The following MTIF2 variants were observed in gnomAD, a reference collection of about 807,000 sequenced individuals.
The protein encoded by MTIF2 is translation initiation factor IF-2, mitochondrial.
A neutral mutation model predicts 83.5 loss-of-function variants in MTIF2; 71 were observed. That is an observed-to-expected ratio of 0.85 (90% CI 0.70 to 1.04). The LOEUF (loss-of-function observed/expected upper bound fraction) is 1.04, where lower values mean the gene tolerates loss of function less well. MTIF2 is among the 50% of genes least tolerant of loss of function. MTIF2 has a pLI of 0.00. For missense variants in MTIF2, 957 were observed against 846.5 expected (o/e 1.13, Z -1.62); for synonymous variants, 319 against 287.1 (o/e 1.11, Z -1.12).
At chr2:55,264,659 G>C (rs995008855) in intron 3 of MTIF2, among the ~76,000 whole-genome samples, 3 of 152,080 alleles carry the variant, frequency 2.0e-5, no homozygotes, top group Non-Finnish European at 2.9e-5. Flanking sequence ...ACTTCCTCTA[G>C]TTGGAATCGT....
At chr2:55,244,766 G>T (rs553318133) in intron 10 of MTIF2, among the ~76,000 whole-genome samples, 1 of 152,010 alleles carries the variant, frequency 6.6e-6, no homozygotes, top group Non-Finnish European at 1.5e-5. Flanking sequence ...AAAAAAATAG[G>T]CTAGGCACAG....
At chr2:55,243,367 A>C (rs202166457) in intron 12 of MTIF2, 49 bp downstream of exon 12, 300 of 1,492,362 alleles carry the variant, frequency 2.0e-4, no homozygotes, top group Non-Finnish European at 2.6e-4. Context: ...AGAATAAAAA[A>C]ACATATATTC....
chr2:55,237,472 C>G, intron 14 of MTIF2, 44 bp from the exon 15 acceptor site: 1 of 1,523,456 alleles, frequency 6.6e-7, no homozygotes, highest in Non-Finnish European at 8.8e-7. Context: ...ACTAAAGATT[C>G]TGATAAATAC....
At chr2:55,255,515 A>G (rs753606418) in intron 5 of MTIF2, among the ~76,000 whole-genome samples, 33 of 146,634 alleles carry the variant, frequency 2.3e-4, no homozygotes, top group Non-Finnish European at 4.0e-4. Context: ...TATATATTTG[A>G]TTCATTAACA....
intron 9 of MTIF2, among the ~76,000 whole-genome samples, chr2:55,246,943 A>T (rs1367198883): frequency 2.6e-5 from 4 of 152,192 alleles, no homozygotes; most frequent in African/African-American, 9.6e-5. Context: ...ATCAAGCATG[A>T]CTTACCCTTA....
chr2:55,256,050 T>C (rs1005187421), intron 5 of MTIF2, among the ~76,000 whole-genome samples: 6 of 152,212 alleles, frequency 3.9e-5, no homozygotes, highest in African/African-American at 1.4e-4. Flanking sequence ...CTAATTTTTC[T>C]ATTTTTTGTA....
intron 6 of MTIF2, 63 bp from the exon 7 acceptor site, chr2:55,254,264 T>C (rs1010364032): frequency 5.8e-6 from 9 of 1,538,658 alleles, no homozygotes; most frequent in East Asian, 2.3e-5. Flanking sequence ...AGCCTGTGAA[T>C]TGGTTCACAT....
At chr2:55,263,083 G>C (rs572444273) in intron 4 of MTIF2, among the ~76,000 whole-genome samples, 1 of 152,084 alleles carries the variant, frequency 6.6e-6, no homozygotes, top group African/African-American at 2.4e-5. Flanking sequence ...GGACGGTCTC[G>C]AACTCTTGAC....
At chr2:55,248,087 A>C (rs1676833821) in intron 9 of MTIF2, among the ~76,000 whole-genome samples, 1 of 152,128 alleles carries the variant, frequency 6.6e-6, no homozygotes, top group Admixed American at 6.6e-5. Context: ...ACAAGGTCTC[A>C]TCATGTTGCC....
chr2:55,265,647 T>C (rs1678375666), intron 3 of MTIF2, among the ~76,000 whole-genome samples: 1 of 152,156 alleles, frequency 6.6e-6, no homozygotes, highest in Non-Finnish European at 1.5e-5. Context: ...GTTAACATTT[T>C]AATATATATA....
chr2:55,254,769 C>A lies in MTIF2; in HGVS notation c.388G>T (p.Asp130Tyr). ...TDIDIDSLEA[D>Y]SHLDEVWIKE... ...ATCCAGACTTCATCTAAATGTGAGTCTGCTTCCAGTGAATCTATGTCAATA... is the reference window on the plus strand; with the variant it reads ...ATCCAGACTTCATCTAAATGTGAGTATGCTTCCAGTGAATCTATGTCAATA... The change falls in exon 6 of 16, where the codon GAC becomes TAC. Residue 130 changes from aspartate (D) to tyrosine (Y), a missense_variant. Around this residue, in one of 3 missense-constraint regions of MTIF2, gnomAD observed 733 missense variants for 648.7 expected, o/e 1.13. Transcript: ENST00000263629. The A allele has an allele frequency of 6.2e-7, 1 of 1,610,548 alleles. No homozygotes were observed. The highest frequency in any genetic ancestry group is 1.7e-5 in the Admixed American group (1 of 59,360).
intron 5 of MTIF2, among the ~76,000 whole-genome samples, chr2:55,258,055 G>C (rs1267423679): frequency 2.0e-5 from 3 of 152,182 alleles, no homozygotes; most frequent in African/African-American, 7.2e-5. Flanking sequence ...GCCTCTGAAA[G>C]TGCTGGGATT....
chr2:55,244,762 AT>A (rs1676575059), intron 10 of MTIF2, among the ~76,000 whole-genome samples: 1 of 151,952 alleles, frequency 6.6e-6, no homozygotes, highest in Non-Finnish European at 1.5e-5. Context: ...TAAAAAAAAA[AT>A]AGGCTAGGCA....
chr2:55,251,126 A>G (rs1055901362), intron 8 of MTIF2, among the ~76,000 whole-genome samples: 22 of 151,844 alleles, frequency 1.4e-4, no homozygotes, highest in African/African-American at 4.3e-4. Context: ...AAAAAAAAAA[A>G]AAAAAAGAAA....
chr2:55,246,731 T>A (rs184098374), intron 9 of MTIF2, among the ~76,000 whole-genome samples: 3 of 152,332 alleles, frequency 2.0e-5, no homozygotes, highest in Admixed American at 1.3e-4. Context: ...GGCTATTTTT[T>A]TTAAAGGATG....
At chr2:55,237,978 G>A (rs71414557) in intron 14 of MTIF2, among the ~76,000 whole-genome samples, 8,476 of 151,904 alleles carry the variant, frequency 0.056, 269 homozygotes, top group African/African-American at 0.071. Flanking sequence ...TCTGCTCCAT[G>A]AAAACCTTGT....
intron 5 of MTIF2, among the ~76,000 whole-genome samples, chr2:55,258,102 T>C (rs1482419105): frequency 6.6e-6 from 1 of 152,198 alleles, no homozygotes; most frequent in East Asian, 1.9e-4. Context: ...AGTGAGTTTC[T>C]GAGTTTTTAC....
chr2:55,252,095 T>A (rs1677137354), intron 8 of MTIF2, among the ~76,000 whole-genome samples: 2 of 152,220 alleles, frequency 1.3e-5, no homozygotes, highest in South Asian at 4.1e-4. Flanking sequence ...GAATTCCACA[T>A]AATAAATTAA....
At chr2:55,244,786 C>T (rs912970644) in intron 10 of MTIF2, among the ~76,000 whole-genome samples, 2 of 152,042 alleles carry the variant, frequency 1.3e-5, no homozygotes, top group African/African-American at 4.8e-5. Context: ...GTGGCTCACA[C>T]CTGTAATCCC....
Sources: gnomAD v4.1 joint callset for allele counts (sites outside exome capture counted in the v4.1 genomes callset) on GRCh38, gnomAD v4.1.1 for gene constraint, gnomAD v4.1.1 regional missense constraint, MANE v1.5 for transcripts, NCBI Gene and HGNC (gene_info 2026-07-23, HGNC 2026-07-21) for gene names.